The following TMEM151A variants were observed in gnomAD, a reference collection of about 807,000 sequenced individuals.
TMEM151A encodes transmembrane protein 151.
TMEM151A carries 21 observed loss-of-function variants against 33.7 expected under a neutral mutation model. The observed-to-expected ratio is 0.62, with a 90% CI of 0.44 to 0.90. TMEM151A has a LOEUF of 0.90. Ranked by LOEUF, TMEM151A falls within the 40% of genes least tolerant of loss-of-function variation. The pLI, the probability that TMEM151A is intolerant of heterozygous loss-of-function variation, is 0.00. For synonymous variants in TMEM151A, 374 were observed against 330.3 expected (o/e 1.13, Z -1.43); for missense variants, 704 against 697.7 (o/e 1.01, Z -0.10).
In TMEM151A at chr11:66,296,050, C is replaced by T. The variant is rs543866188; in HGVS notation, c.*397C>T. ...GCCATGCTGGGAGCCCCCCCAGTGA[C>T]GCAGAAGCACAAATTGGAGGCTTGG... is the stretch of plus-strand genomic sequence containing the variant. On this transcript the variant is annotated 3_prime_UTR_variant, in exon 2 of 2. Coordinates refer to ENST00000327259, the MANE Select transcript of TMEM151A (RefSeq NM_153266.4). 224 of 170,798 alleles carry T rather than the reference C, an allele frequency of 1.3e-3. 1 individual carries two copies. Among genetic ancestry groups the T allele is most frequent in the Admixed American group, 2.0e-3 (31 of 15,748 alleles). 10.6% of individuals were successfully genotyped at this position (170,798 alleles called of 1,614,324 possible).
Position 66,292,137 on chromosome 11 carries a change from G to A in TMEM151A, c.75+49G>A. 7.3e-7 allele frequency: 1 copy of A among 1,379,042 alleles called. No individual in the cohort carries two copies. The highest frequency in any genetic ancestry group is 9.3e-7 in the Non-Finnish European group (1 of 1,070,326). The allele number at this position is 1,379,042 out of a possible 1,614,324, so 85.4% of individuals were successfully genotyped here. A position where few individuals can be genotyped will look rare whatever the true frequency, so the allele number is the denominator to read the frequency against. ...GCCGGGCCTGGGGCGGCGTGAGAGG[G>A]ACCAGTGCAAAAGGCGACCCCAAGA... On this transcript the variant is annotated intron_variant, in intron 1 of 1. Transcript: ENST00000327259. The surrounding 1 kb of genome is among the most constrained non-coding windows in gnomAD (Gnocchi z 4.7).
chr11:66,294,879 G>A lies in TMEM151A; in HGVS notation c.633G>A (p.Ala211=), dbSNP rs377000188. ...RDVSKELVGL[A]EHAATRLRFT... is the part of the protein sequence containing the mutation. ...TCTCCAAGGAGCTGGTGGGGCTGGC[G>A]GAGCACGCGGCCACGCGGCTGCGCT... The change falls in exon 2 of 2, where the codon GCG becomes GCA. Residue 211 remains alanine (A), a synonymous_variant. Coordinates refer to ENST00000327259, the MANE Select transcript of TMEM151A (RefSeq NM_153266.4). The A allele has an allele frequency of 2.6e-6, 4 of 1,536,644 alleles. No individual in the cohort carries two copies. Among genetic ancestry groups the A allele is most frequent in the Non-Finnish European group, 2.6e-6 (3 of 1,145,442 alleles).
Position 66,294,624 on chromosome 11 carries a change from GGCGCCAC to G in TMEM151A, c.381_387del (p.Arg129ThrfsTer8). ...GGCACTGTCACGTGCGGTCCTGCCA[GGCGCCAC>G]GCACCGACGCCCACACGGTGCTGGC... On this transcript the variant is annotated frameshift_variant, in exon 2 of 2. Transcript: ENST00000327259. LOFTEE classifies it high-confidence loss of function. 6.2e-7 allele frequency: 1 copy of G among 1,611,780 alleles called. No homozygotes were observed.
In TMEM151A at chr11:66,292,054, C is replaced by T. The variant is rs1424717674; in HGVS notation, c.41C>T (p.Ala14Val). ...GCTGGCGACGGCGGGGAGGTGCCCG[C>T]GCTCATCCCGGACGGCGAGCCGCTG... ...DGAGDGGEVP[A>V]LIPDGEPLRE... The change falls in exon 1 of 2, where the codon GCG becomes GTG. Residue 14 changes from alanine to valine, a missense_variant. By Grantham distance (64) the Ala-to-Val change is moderately conservative. This residue lies in a region of TMEM151A where 301 missense variants were observed against 323.4 expected (regional missense o/e 0.93). Coordinates refer to ENST00000327259, the MANE Select transcript of TMEM151A (RefSeq NM_153266.4). This position sits in a 1 kb window ranked among gnomAD's most constrained non-coding sequence, Gnocchi z 4.7. 4 of 1,492,866 alleles carry T rather than the reference C, an allele frequency of 2.7e-6. No individual in the cohort carries two copies. The highest frequency in any genetic ancestry group is 3.5e-6 in the Non-Finnish European group (4 of 1,128,888). 92.5% of individuals were successfully genotyped at this position (1,492,866 alleles called of 1,614,324 possible). A position where few individuals can be genotyped will look rare whatever the true frequency, so the allele number is the denominator to read the frequency against.
Position 66,292,080 on chromosome 11 carries a change from C to T in TMEM151A, c.67C>T (p.Arg23Trp). Reference sequence around the variant, plus strand: ...GCTCATCCCGGACGGCGAGCCGCTGCGGGAAGAGGTACCGGCGCTGGGGGG... The same window carrying T: ...GCTCATCCCGGACGGCGAGCCGCTGTGGGAAGAGGTACCGGCGCTGGGGGG... Reference protein sequence around the residue: ...PALIPDGEPLREEQRPLKQSL... With the variant: ...PALIPDGEPLWEEQRPLKQSL... Residue 23 changes from arginine (R) to tryptophan (W), a missense_variant, in exon 1 of 2, where the codon CGG becomes TGG. Coordinates refer to ENST00000327259, the MANE Select transcript of TMEM151A (RefSeq NM_153266.4). The surrounding 1 kb of genome is among the most constrained non-coding windows in gnomAD (Gnocchi z 4.7). 1.4e-6 allele frequency: 2 copies of T among 1,479,080 alleles called. No homozygotes were observed. Among genetic ancestry groups the T allele is most frequent in the Non-Finnish European group, 1.8e-6 (2 of 1,122,710 alleles). 91.6% of individuals were successfully genotyped at this position (1,479,080 alleles called of 1,614,324 possible). A position where few individuals can be genotyped will look rare whatever the true frequency, so the allele number is the denominator to read the frequency against.
In TMEM151A at chr11:66,295,101, C is replaced by T. The variant is rs1157434582; in HGVS notation, c.855C>T (p.Ala285=). Residue 285 remains alanine (A), a synonymous_variant, in exon 2 of 2, where the codon GCC becomes GCT. Transcript: ENST00000327259. ...DPRSPPWYAR[A]WVFWLVSAAT... is the part of the protein sequence containing the mutation. ...GCAGCCCGCCCTGGTACGCGCGCGC[C>T]TGGGTCTTCTGGCTCGTGTCGGCGG... 6.3e-7 allele frequency: 1 copy of T among 1,593,270 alleles called. No homozygotes were observed. The highest frequency in any genetic ancestry group is 8.5e-7 in the Non-Finnish European group (1 of 1,175,772).
Position 66,292,713 on chromosome 11 carries a change from G to A in TMEM151A, c.75+625G>A, listed in dbSNP as rs370594680. On this transcript the variant is annotated intron_variant, in intron 1 of 1. Transcript: ENST00000327259. The surrounding 1 kb of genome is among the most constrained non-coding windows in gnomAD (Gnocchi z 4.7). ...ATTTGGGTGAATGTAGCCTGCTTCTGTGTGTGTGTTGTGTGGGTGTGTGAA... is the reference window on the plus strand; with the variant it reads ...ATTTGGGTGAATGTAGCCTGCTTCTATGTGTGTGTTGTGTGGGTGTGTGAA... Among the ~76,000 whole-genome samples the A allele has an allele frequency of 4.5e-4, 68 of 152,262 alleles. 1 individual carries two copies. Among genetic ancestry groups the A allele is most frequent in the East Asian group, 1.4e-3 (7 of 5,182 alleles).
In TMEM151A at chr11:66,294,417, C is replaced by T. The variant is rs754115626; in HGVS notation, c.171C>T (p.Ala57=). 6.8e-6 allele frequency: 11 copies of T among 1,611,682 alleles called. No individual in the cohort carries two copies. Among genetic ancestry groups the T allele is most frequent in the Admixed American group, 1.7e-5 (1 of 59,966 alleles). The change falls in exon 2 of 2, where the codon GCC becomes GCT. Residue 57 remains alanine (A), a synonymous_variant. Coordinates refer to ENST00000327259, the MANE Select transcript of TMEM151A (RefSeq NM_153266.4). ...LLTLLIHACG[A]VVAWCRLATV... ...CGCTGCTCATCCACGCCTGCGGGGC[C>T]GTGGTGGCCTGGTGTCGCCTGGCCA... is the stretch of plus-strand genomic sequence containing the variant.
In TMEM151A at chr11:66,295,261, G is replaced by C. The variant is rs754509541; in HGVS notation, c.1015G>C (p.Ala339Pro). The C allele has an allele frequency of 6.4e-7, 1 of 1,563,912 alleles. No individual in the cohort carries two copies. The highest frequency in any genetic ancestry group is 8.7e-7 in the Non-Finnish European group (1 of 1,155,030). Reference protein sequence around the residue: ...VPSGPPLSRVATVDFTELEWH... With the variant: ...VPSGPPLSRVPTVDFTELEWH... Reference sequence around the variant, plus strand: ...CAGCGGGCCCCCGCTGTCCCGCGTGGCCACAGTGGACTTCACTGAGCTCGA... The same window carrying C: ...CAGCGGGCCCCCGCTGTCCCGCGTGCCCACAGTGGACTTCACTGAGCTCGA... Residue 339 changes from alanine to proline, a missense_variant, in exon 2 of 2, where the codon GCC (alanine) becomes CCC (proline). Around this residue, in one of 3 missense-constraint regions of TMEM151A, gnomAD observed 398 missense variants for 356.0 expected, o/e 1.12. Coordinates refer to ENST00000327259, the MANE Select transcript of TMEM151A (RefSeq NM_153266.4).
intron 1 of TMEM151A, among the ~76,000 whole-genome samples, chr11:66,293,201 C>T (rs993450477): frequency 1.3e-5 from 2 of 152,030 alleles, no homozygotes; most frequent in Non-Finnish European, 2.9e-5. Context: ...GGTCAGCTGG[C>T]GCTGTGCTCC....
At chr11:66,293,877 C>T (rs2033215129) in intron 1 of TMEM151A, among the ~76,000 whole-genome samples, 1 of 152,222 alleles carries the variant, frequency 6.6e-6, no homozygotes, top group Non-Finnish European at 1.5e-5. Flanking sequence ...AAAGCCCATG[C>T]TGTTTACACC....
Position 66,295,491 on chromosome 11 carries a change from G to C in TMEM151A, c.1245G>C (p.Thr415=), listed in dbSNP as rs770742647. The stretch of plus-strand genomic sequence containing the variant: ...CGCTGGGCGCTGGCGGCCGGGCCAC[G>C]CCAGGGGTCTTCCGCAGCCTGAGCG... ...RLSLGAGGRA[T]PGVFRSLSGG... is the part of the protein sequence containing the mutation. The change falls in exon 2 of 2, where the codon ACG becomes ACC. Residue 415 remains threonine (T), a synonymous_variant. Coordinates refer to ENST00000327259, the MANE Select transcript of TMEM151A (RefSeq NM_153266.4). 1.6e-5 allele frequency: 23 copies of C among 1,398,372 alleles called. No individual in the cohort carries two copies. The highest frequency in any genetic ancestry group is 2.1e-5 in the Non-Finnish European group (23 of 1,078,010). The allele number at this position is 1,398,372 out of a possible 1,614,324, so 86.6% of individuals were successfully genotyped here. A position where few individuals can be genotyped will look rare whatever the true frequency, so the allele number is the denominator to read the frequency against.
At position 66,292,488 on chromosome 11, in the gene TMEM151A, G is replaced by A. The variant is rs561542189; in HGVS notation, c.75+400G>A. 1.4e-4 allele frequency among the ~76,000 whole-genome samples: 21 copies of A among 152,322 alleles called. No homozygotes were observed. Among genetic ancestry groups the A allele is most frequent in the African/African-American group, 4.6e-4 (19 of 41,570 alleles). On this transcript the variant is annotated intron_variant, in intron 1 of 1. Coordinates refer to ENST00000327259, the MANE Select transcript of TMEM151A (RefSeq NM_153266.4). This position sits in a 1 kb window ranked among gnomAD's most constrained non-coding sequence, Gnocchi z 4.7. Reference sequence around the variant, plus strand: ...CGCCTGCAATGCAGCAGCAGTCGCAGAGCCTAGAGGGGAGGAGGGGAAGAG... The same window carrying A: ...CGCCTGCAATGCAGCAGCAGTCGCAAAGCCTAGAGGGGAGGAGGGGAAGAG...
At chr11:66,293,804 G>T (rs1398873193) in intron 1 of TMEM151A, among the ~76,000 whole-genome samples, 1 of 152,182 alleles carries the variant, frequency 6.6e-6, no homozygotes, top group East Asian at 1.9e-4. Flanking sequence ...AGAGGATGAG[G>T]GACCTGCCCA....
Position 66,295,073 on chromosome 11 carries a change from C to A in TMEM151A, c.827C>A (p.Pro276His). The change falls in exon 2 of 2, where the codon CCC (proline) becomes CAC (histidine). Residue 276 changes from proline (P) to histidine (H), a missense_variant. Coordinates refer to ENST00000327259, the MANE Select transcript of TMEM151A (RefSeq NM_153266.4). ...GAGTCGCTCATGGTCTTCGCCGACC[C>A]CCGCAGCCCGCCCTGGTACGCGCGC... The part of the protein sequence containing the change: ...FRESLMVFAD[P>H]RSPPWYARAW... 6.3e-7 allele frequency: 1 copy of A among 1,598,010 alleles called. No homozygotes were observed.
At chr11:66,293,314 G>A (rs1400905666) in intron 1 of TMEM151A, among the ~76,000 whole-genome samples, 1 of 152,042 alleles carries the variant, frequency 6.6e-6, no homozygotes, top group African/African-American at 2.4e-5. Context: ...AGGAGAGGTG[G>A]CCCCTTAACC....
chr11:66,295,968 G>A lies in TMEM151A; in HGVS notation c.*315G>A, dbSNP rs185860561. The A allele has an allele frequency of 1.0e-3, 281 of 268,962 alleles. No individual in the cohort carries two copies. The highest frequency in any genetic ancestry group is 5.6e-3 in the African/African-American group (256 of 45,534). 16.7% of individuals were successfully genotyped at this position (268,962 alleles called of 1,614,324 possible). A position where few individuals can be genotyped will look rare whatever the true frequency, so the allele number is the denominator to read the frequency against. ...GGCTGGGATGGAGGAGGAGTCCTGC[G>A]GCCAGCTGTTGCCTGCAGCAGAGGC... On this transcript the variant is annotated 3_prime_UTR_variant, in exon 2 of 2. Transcript: ENST00000327259.
Position 66,294,999 on chromosome 11 carries a change from C to T in TMEM151A, c.753C>T (p.Asp251=), listed in dbSNP as rs1189072362. 1.3e-6 allele frequency: 2 copies of T among 1,592,604 alleles called. No individual in the cohort carries two copies. The highest frequency in any genetic ancestry group is 2.2e-5 in the South Asian group (2 of 89,938). ...RFFSANEGLD[D]YLEAREGMHL... ...TCAGCGCCAACGAGGGCCTGGACGA[C>T]TATCTGGAGGCGCGCGAGGGCATGC... The change falls in exon 2 of 2, where the codon GAC becomes GAT. Residue 251 remains aspartate (D), a synonymous_variant. Transcript: ENST00000327259.
rs1857494056 is a variant in TMEM151A at position 66,294,801 on chromosome 11, C to T, written c.555C>T (p.Asp185=). 7.1e-6 allele frequency: 11 copies of T among 1,543,458 alleles called. No homozygotes were observed. Among genetic ancestry groups the T allele is most frequent in the Non-Finnish European group, 8.7e-6 (10 of 1,146,540 alleles). ...CGCAGGTGTACCATGAGCGCGCTGA[C>T]AGCCGCACGGCCCGCGGCGAGTTTG... ...TTTQVYHERA[D]SRTARGEFDY... is the part of the protein sequence containing the mutation. Residue 185 remains aspartate, a synonymous_variant, in exon 2 of 2, where the codon GAC becomes GAT. Transcript: ENST00000327259.
Sources: allele counts gnomAD v4.1 joint callset (sites outside exome capture counted in the v4.1 genomes callset), GRCh38; gene constraint gnomAD v4.1.1; regional missense constraint gnomAD v4.1.1; non-coding constraint Gnocchi (gnomAD v3.1); transcripts MANE v1.5; gene names NCBI Gene and HGNC (gene_info 2026-07-23, HGNC 2026-07-21).